The following NAALAD2 variants were observed in gnomAD, a reference collection of about 807,000 sequenced individuals.
The protein encoded by NAALAD2 is N-acetylated alpha-linked acidic dipeptidase 2, also known as N-acetylated-alpha-linked acidic dipeptidase 2.
NAALAD2 carries 89 observed loss-of-function variants against 95.6 expected under a neutral mutation model. That is an observed-to-expected ratio of 0.93 (90% CI 0.78 to 1.11). The LOEUF (loss-of-function observed/expected upper bound fraction) is 1.11. NAALAD2 is among the 50% of genes least tolerant of loss of function. The pLI is 0.00. For synonymous variants in NAALAD2, 264 were observed against 294.4 expected (o/e 0.90, Z 1.06); for missense variants, 894 against 872.4 (o/e 1.02, Z -0.31).
Position 90,191,572 on chromosome 11 carries a change from C to T in NAALAD2, c.2048C>T (p.Ala683Val). Reference sequence around the variant, plus strand: ...CTTCCTTTTAGGCACATCATATTTGCTCCAAGTAGCCACAACAAATATGCT... The same window carrying T: ...CTTCCTTTTAGGCACATCATATTTGTTCCAAGTAGCCACAACAAATATGCT... ...GKLFYRHIIF[A>V]PSSHNKYAGE... Residue 683 changes from alanine to valine, a missense_variant, in exon 19 of 19, where the codon GCT becomes GTT. Ala to Val is a moderately conservative substitution (Grantham distance 64). Transcript: ENST00000534061. 6.3e-7 allele frequency: 1 copy of T among 1,587,632 alleles called. No individual in the cohort carries two copies. Among genetic ancestry groups the T allele is most frequent in the Non-Finnish European group, 8.6e-7 (1 of 1,168,238 alleles).
chr11:90,158,375 G>T, intron 7 of NAALAD2, 137 bp downstream of exon 7: 1 of 602,738 alleles, frequency 1.7e-6, no homozygotes, highest in Non-Finnish European at 2.9e-6. Flanking sequence ...GAATAACAGA[G>T]TATACTATCT....
At chr11:90,146,688 C>T (rs892907065) in intron 2 of NAALAD2, among the ~76,000 whole-genome samples, 7 of 151,922 alleles carry the variant, frequency 4.6e-5, no homozygotes, top group South Asian at 4.2e-4. Context: ...ATATTATTCA[C>T]CCCAAGTAAA....
At chr11:90,159,042 T>G (rs1334451715) in intron 7 of NAALAD2, 197 bp from the exon 8 acceptor site, 1 of 552,206 alleles carries the variant, frequency 1.8e-6, no homozygotes, top group African/African-American at 1.9e-5. Context: ...ATATTACGTA[T>G]TTTACTTACT....
chr11:90,166,947 C>T (rs976583935), intron 11 of NAALAD2, among the ~76,000 whole-genome samples: 1 of 152,098 alleles, frequency 6.6e-6, no homozygotes, highest in African/African-American at 2.4e-5. Context: ...GTCAGGAGTT[C>T]GAGAACAGCC....
intron 15 of NAALAD2, 53 bp from the exon 16 acceptor site, chr11:90,177,800 A>G: frequency 1.4e-6 from 2 of 1,470,596 alleles, no homozygotes; most frequent in Non-Finnish European, 9.2e-7. Context: ...TAAAAATATT[A>G]TAACTTGAAT....
At chr11:90,188,568 G>GTT (rs1224022442) in intron 18 of NAALAD2, among the ~76,000 whole-genome samples, 1 of 152,172 alleles carries the variant, frequency 6.6e-6, no homozygotes, top group Non-Finnish European at 1.5e-5. Context: ...GGCGTCCTCA[G>GTT]TTGGCAGAAC....
intron 2 of NAALAD2, among the ~76,000 whole-genome samples, chr11:90,136,287 C>G (rs555132311): frequency 6.6e-6 from 1 of 152,232 alleles, no homozygotes; most frequent in African/African-American, 2.4e-5. Flanking sequence ...TTTTTAAAAT[C>G]AGCTTTAGTG....
chr11:90,159,454 C>G (rs1952222148), intron 8 of NAALAD2, 117 bp downstream of exon 8: 2 of 658,558 alleles, frequency 3.0e-6, no homozygotes, highest in South Asian at 2.0e-5. Flanking sequence ...TCTAAACAAC[C>G]ATTTTACATT....
chr11:90,183,509 A>C (rs554252575), intron 18 of NAALAD2, among the ~76,000 whole-genome samples: 1 of 152,278 alleles, frequency 6.6e-6, no homozygotes, highest in African/African-American at 2.4e-5. Context: ...AGTCAAATAA[A>C]ATAAGTTTAG....
At chr11:90,146,805 A>C (rs1457223666) in intron 2 of NAALAD2, among the ~76,000 whole-genome samples, 3 of 152,168 alleles carry the variant, frequency 2.0e-5, no homozygotes, top group African/African-American at 4.8e-5. Context: ...AAGCCTGTAC[A>C]TTTTGGGTAA....
chr11:90,149,563 T>C (rs1218750736), intron 4 of NAALAD2, among the ~76,000 whole-genome samples: 1 of 152,128 alleles, frequency 6.6e-6, no homozygotes, highest in Non-Finnish European at 1.5e-5. Context: ...GCCTCCCGCG[T>C]AGCTGGGACC....
At chr11:90,175,928 ATGTGTG>A (rs140876943) in intron 14 of NAALAD2, 38 bp from the exon 15 acceptor site, 13 of 972,658 alleles carry the variant, frequency 1.3e-5, no homozygotes, top group African/African-American at 3.3e-5. Context: ...TTACTTGTTT[ATGTGTG>A]TGTGTGTGTG....
chr11:90,141,023 G>T (rs1367549731), intron 2 of NAALAD2, among the ~76,000 whole-genome samples: 1 of 152,052 alleles, frequency 6.6e-6, no homozygotes, highest in Non-Finnish European at 1.5e-5. Flanking sequence ...GGGCGTATTT[G>T]TGTGAGTCTA....
At chr11:90,155,884 T>C (rs1178442538) in intron 6 of NAALAD2, among the ~76,000 whole-genome samples, 1 of 142,854 alleles carries the variant, frequency 7.0e-6, no homozygotes, top group East Asian at 2.0e-4. Flanking sequence ...AATGTATATG[T>C]AATATATATT....
chr11:90,135,466 T>G (rs892372577), intron 1 of NAALAD2, 93 bp from the exon 2 acceptor site: 9 of 704,426 alleles, frequency 1.3e-5, no homozygotes, highest in Admixed American at 9.2e-5. Flanking sequence ...AAAGGCTTTT[T>G]GGGGGGAAGG....
At chr11:90,157,099 G>T (rs1451140439) in intron 6 of NAALAD2, among the ~76,000 whole-genome samples, 1 of 151,994 alleles carries the variant, frequency 6.6e-6, no homozygotes, top group Non-Finnish European at 1.5e-5. Context: ...TGTCAATTAG[G>T]TCAAATTAGT....
chr11:90,156,702 C>T (rs539168994), intron 6 of NAALAD2, among the ~76,000 whole-genome samples: 14 of 152,144 alleles, frequency 9.2e-5, no homozygotes, highest in Non-Finnish European at 1.8e-4. Context: ...TCTCCTGCCC[C>T]AGCCTCCCAA....
intron 13 of NAALAD2, 103 bp downstream of exon 13, chr11:90,170,239 G>T: frequency 2.7e-6 from 2 of 752,844 alleles, no homozygotes; most frequent in South Asian, 3.2e-5. Flanking sequence ...GCTGGTGAGA[G>T]AACATAATAG....
At chr11:90,171,866 C>G (rs893813028) in intron 13 of NAALAD2, among the ~76,000 whole-genome samples, 11 of 152,192 alleles carry the variant, frequency 7.2e-5, no homozygotes, top group East Asian at 5.8e-4. Context: ...TCAATTCTGA[C>G]AATGCATGTA....
Sources: allele counts gnomAD v4.1 joint callset (sites outside exome capture counted in the v4.1 genomes callset), GRCh38; gene constraint gnomAD v4.1.1; transcripts MANE v1.5; gene names NCBI Gene and HGNC (gene_info 2026-07-23, HGNC 2026-07-21).